TUSC2: variants seen among roughly 807,000 people sequenced by gnomAD.
TUSC2 encodes tumor suppressor 2, mitochondrial calcium regulator.
TUSC2 carries 7 observed loss-of-function variants against 11.5 expected under a neutral mutation model. That is an observed-to-expected ratio of 0.61 (90% CI 0.35 to 1.14). The LOEUF (loss-of-function observed/expected upper bound fraction) is 1.14. Ranked by LOEUF, TUSC2 falls within the 50% of genes most tolerant of loss-of-function variation. The pLI is 0.03. For missense variants in TUSC2, 132 were observed against 155.0 expected, an observed-to-expected ratio of 0.85 and a Z score of 0.79; for synonymous variants, 61 against 64.1, an observed-to-expected ratio of 0.95 and a Z score of 0.23.
At position 50,328,214 on chromosome 3, in the gene TUSC2, A is replaced by T; in HGVS notation, c.-115T>A. The T allele has an allele frequency of 8.2e-7, 1 of 1,223,594 alleles. No individual in the cohort carries two copies. The highest frequency in any genetic ancestry group is 1.0e-6 in the Non-Finnish European group (1 of 953,256). The allele number at this position is 1,223,594 out of a possible 1,614,324, so 75.8% of individuals were successfully genotyped here. On this transcript the variant is annotated 5_prime_UTR_variant, in exon 1 of 3. Transcript: ENST00000232496. ...AGGTGCCGCCGCCGCCGCCTTCCGC[A>T]GGCTCGGCTGTCTCCACGGAAACCT...
At position 50,326,480 on chromosome 3, in the gene TUSC2, G is replaced by C; in HGVS notation, c.147-3C>G. On this transcript the variant is annotated splice_polypyrimidine_tract_variant and splice_region_variant and intron_variant, in intron 1 of 2. Coordinates refer to ENST00000232496, the MANE Select transcript of TUSC2 (RefSeq NM_007275.3). The stretch of plus-strand genomic sequence containing the variant: ...CATCCTCATCATAGAACATAGAGCT[G>C]TGTAGAGGGAGAAGGAAACAGGCTG... 1 of 1,613,664 alleles carries C rather than the reference G, an allele frequency of 6.2e-7. No individual in the cohort carries two copies. Among genetic ancestry groups the C allele is most frequent in the Non-Finnish European group, 8.5e-7 (1 of 1,179,758 alleles).
At position 50,327,976 on chromosome 3, in the gene TUSC2, G is replaced by T. The variant is rs1384620071; in HGVS notation, c.124C>A (p.Pro42Thr). 1 of 1,542,762 alleles carries T rather than the reference G, an allele frequency of 6.5e-7. No individual in the cohort carries two copies. Residue 42 changes from proline to threonine, a missense_variant, in exon 1 of 3, where the codon CCC becomes ACC. This residue lies in a region of TUSC2 where 50 missense variants were observed against 27.9 expected (regional missense o/e 1.79). Transcript: ENST00000232496. ...TACCCGCGGCGCGTGAATACGAAGG[G>T]GGGCACAGCTCGGCCCCGAGGCCGC... ...LVRPRGRAVPPFVFTRRGSMF... is the reference protein window; with the variant it reads ...LVRPRGRAVPTFVFTRRGSMF...
At chr3:50,326,219 C>T (rs781992609) in intron 2 of TUSC2, 33 bp from the exon 3 acceptor site, 1 of 1,606,668 alleles carries the variant, frequency 6.2e-7, no homozygotes, top group Non-Finnish European at 8.5e-7. Flanking sequence ...TAAGGGTCAG[C>T]TCAGGGCCTC....
chr3:50,327,196 G>A (rs1702801616), intron 1 of TUSC2: 2 of 456,748 alleles, frequency 4.4e-6, no homozygotes, highest in Non-Finnish European at 8.8e-6. Flanking sequence ...CTGGCCCAGT[G>A]TCAAAGACTG....
chr3:50,327,362 C>T (rs377648232), intron 1 of TUSC2: 5 of 401,150 alleles, frequency 1.2e-5, no homozygotes, highest in East Asian at 7.2e-5. Context: ...CTCCAGGAGC[C>T]CACTAGAGCC....
chr3:50,327,673 C>T (rs1202587929), intron 1 of TUSC2, among the ~76,000 whole-genome samples: 1 of 144,882 alleles, frequency 6.9e-6, no homozygotes, highest in Non-Finnish European at 1.5e-5. Context: ...AGGAAGAGAT[C>T]TTATGGAGGT....
chr3:50,326,422 T>A lies in TUSC2; in HGVS notation c.202A>T (p.Ile68Phe). Reference sequence around the variant, plus strand: ...CGCTTCTGCCCGTTCTTGGTGACGATTGTCTCCTCATAGAACTCGTGAGCC... The same window carrying A: ...CGCTTCTGCCCGTTCTTGGTGACGAATGTCTCCTCATAGAACTCGTGAGCC... ...DLAHEFYEET[I>F]VTKNGQKRAK... Residue 68 changes from isoleucine to phenylalanine, a missense_variant, in exon 2 of 3, where the codon ATC becomes TTC. By Grantham distance (21) the Ile-to-Phe change is conservative (BLOSUM62 0). Coordinates refer to ENST00000232496, the MANE Select transcript of TUSC2 (RefSeq NM_007275.3). 1 of 1,613,986 alleles carries A rather than the reference T, an allele frequency of 6.2e-7. No homozygotes were observed. The highest frequency in any genetic ancestry group is 8.5e-7 in the Non-Finnish European group (1 of 1,180,002).
At chr3:50,327,885 T>C (rs969438259) in intron 1 of TUSC2, 69 bp downstream of exon 1, 385 of 1,383,570 alleles carry the variant, frequency 2.8e-4, no homozygotes, top group Non-Finnish European at 3.5e-4. Context: ...GCGGTGGAAG[T>C]TCCCCCGTGG....
chr3:50,325,972 C>G lies in TUSC2; in HGVS notation c.*149G>C. The G allele has an allele frequency of 4.1e-6, 4 of 984,822 alleles. No homozygotes were observed. Among genetic ancestry groups the G allele is most frequent in the Non-Finnish European group, 6.1e-6 (4 of 659,456 alleles). The allele number at this position is 984,822 out of a possible 1,614,324, so 61.0% of individuals were successfully genotyped here. A position where few individuals can be genotyped will look rare whatever the true frequency, so the allele number is the denominator to read the frequency against. ...CAACACCCAACCAATACTGTGGGAC[C>G]GACCCGCTCACAGCTGAAGGTTATG... On this transcript the variant is annotated 3_prime_UTR_variant, in exon 3 of 3. Coordinates refer to ENST00000232496, the MANE Select transcript of TUSC2 (RefSeq NM_007275.3). The surrounding 1 kb of genome is among the most constrained non-coding windows in gnomAD (Gnocchi z 5.1).
In TUSC2 at chr3:50,328,113, G is replaced by A. The variant is rs111271009; in HGVS notation, c.-14C>T. The A allele has an allele frequency of 7.3e-7, 1 of 1,367,472 alleles. No individual in the cohort carries two copies. Among genetic ancestry groups the A allele is most frequent in the Non-Finnish European group, 9.4e-7 (1 of 1,060,958 alleles). 84.7% of individuals were successfully genotyped at this position (1,367,472 alleles called of 1,614,324 possible). A position where few individuals can be genotyped will look rare whatever the true frequency, so the allele number is the denominator to read the frequency against. On this transcript the variant is annotated 5_prime_UTR_variant, in exon 1 of 3. Coordinates refer to ENST00000232496, the MANE Select transcript of TUSC2 (RefSeq NM_007275.3). ...GCTGGCGCCCATGTCAGGGCCGCCGGCGCATGGCGGGCCCCGTGGCCGCTC... is the reference window on the plus strand; with the variant it reads ...GCTGGCGCCCATGTCAGGGCCGCCGACGCATGGCGGGCCCCGTGGCCGCTC...
chr3:50,328,188 C>A lies in TUSC2; in HGVS notation c.-89G>T. The stretch of plus-strand genomic sequence containing the variant: ...CATAACCTGCCCCAGCCGCTGATCG[C>A]AGGTGCCGCCGCCGCCGCCTTCCGC... On this transcript the variant is annotated 5_prime_UTR_variant, in exon 1 of 3. Transcript: ENST00000232496. 2 of 1,281,778 alleles carry A rather than the reference C, an allele frequency of 1.6e-6. No homozygotes were observed. The highest frequency in any genetic ancestry group is 2.0e-6 in the Non-Finnish European group (2 of 1,008,868). 79.4% of individuals were successfully genotyped at this position (1,281,778 alleles called of 1,614,324 possible). A position where few individuals can be genotyped will look rare whatever the true frequency, so the allele number is the denominator to read the frequency against.
In TUSC2 at chr3:50,325,734, G is replaced by A. The variant is rs1553717269; in HGVS notation, c.*387C>T. On this transcript the variant is annotated 3_prime_UTR_variant, in exon 3 of 3. Coordinates refer to ENST00000232496, the MANE Select transcript of TUSC2 (RefSeq NM_007275.3). This position sits in a 1 kb window ranked among gnomAD's most constrained non-coding sequence, Gnocchi z 5.1. ...CCCACAGCCTAGGGGCTGGAAGAAA[G>A]CATACCTTGCTTGTAAAGTGCTGTA... The A allele has an allele frequency of 3.8e-6, 1 of 260,884 alleles. No individual in the cohort carries two copies. Among genetic ancestry groups the A allele is most frequent in the Non-Finnish European group, 7.5e-6 (1 of 132,500 alleles). 16.2% of individuals were successfully genotyped at this position (260,884 alleles called of 1,614,324 possible).
Position 50,326,064 on chromosome 3 carries a change from T to C in TUSC2, c.*57A>G. 6.5e-7 allele frequency: 1 copy of C among 1,549,092 alleles called. No individual in the cohort carries two copies. Among genetic ancestry groups the C allele is most frequent in the African/African-American group, 1.4e-5 (1 of 73,260 alleles). On this transcript the variant is annotated 3_prime_UTR_variant, in exon 3 of 3. Transcript: ENST00000232496. ...TCCTCAATGGAAGCCACACCTTGATTGAGCCTGGGAGTTTCTTGCCGGGGC... is the reference window on the plus strand; with the variant it reads ...TCCTCAATGGAAGCCACACCTTGATCGAGCCTGGGAGTTTCTTGCCGGGGC...
intron 1 of TUSC2, chr3:50,327,093 C>A (rs1702800987): frequency 2.2e-6 from 1 of 452,536 alleles, no homozygotes; most frequent in Non-Finnish European, 4.5e-6. Context: ...GCAAGGGCAG[C>A]CATTCTAATA....
intron 2 of TUSC2, 30 bp from the exon 3 acceptor site, chr3:50,326,216 C>T: frequency 6.2e-7 from 1 of 1,606,218 alleles, no homozygotes; most frequent in Non-Finnish European, 8.5e-7. Flanking sequence ...TAGTAAGGGT[C>T]AGCTCAGGGC....
intron 1 of TUSC2, chr3:50,327,022 CCACACCAGAG>C: frequency 2.7e-6 from 1 of 376,024 alleles, no homozygotes; most frequent in Non-Finnish European, 5.3e-6. Context: ...AGAAGAGAGC[CCACACCAGAG>C]CACACCATCC....
In TUSC2 at chr3:50,328,161, A is replaced by C. The variant is rs1178651361; in HGVS notation, c.-62T>G. ...CTCTGCTCACACCGCAGTCCGCACT[A>C]CCATAACCTGCCCCAGCCGCTGATC... is the stretch of plus-strand genomic sequence containing the variant. On this transcript the variant is annotated 5_prime_UTR_variant, in exon 1 of 3. Transcript: ENST00000232496. 7.7e-7 allele frequency: 1 copy of C among 1,304,834 alleles called. No individual in the cohort carries two copies. Among genetic ancestry groups the C allele is most frequent in the African/African-American group, 1.5e-5 (1 of 64,718 alleles). 80.8% of individuals were successfully genotyped at this position (1,304,834 alleles called of 1,614,324 possible).
In TUSC2 at chr3:50,328,171, G is replaced by A; in HGVS notation, c.-72C>T. 3.9e-6 allele frequency: 5 copies of A among 1,288,816 alleles called. No individual in the cohort carries two copies. Among genetic ancestry groups the A allele is most frequent in the South Asian group, 2.2e-5 (1 of 44,568 alleles). 79.8% of individuals were successfully genotyped at this position (1,288,816 alleles called of 1,614,324 possible). On this transcript the variant is annotated 5_prime_UTR_variant, in exon 1 of 3. Coordinates refer to ENST00000232496, the MANE Select transcript of TUSC2 (RefSeq NM_007275.3). ...ACCGCAGTCCGCACTACCATAACCTGCCCCAGCCGCTGATCGCAGGTGCCG... is the reference window on the plus strand; with the variant it reads ...ACCGCAGTCCGCACTACCATAACCTACCCCAGCCGCTGATCGCAGGTGCCG...
Position 50,326,091 on chromosome 3 carries a change from G to T in TUSC2, c.*30C>A. 2 of 1,563,540 alleles carry T rather than the reference G, an allele frequency of 1.3e-6. No individual in the cohort carries two copies. Among genetic ancestry groups the T allele is most frequent in the East Asian group, 2.4e-5 (1 of 42,324 alleles). On this transcript the variant is annotated 3_prime_UTR_variant, in exon 3 of 3. Transcript: ENST00000232496. Reference sequence around the variant, plus strand: ...AGCCTGGGAGTTTCTTGCCGGGGCAGGGGGTGCTTCTGTCTGCCACCTCCC... The same window carrying T: ...AGCCTGGGAGTTTCTTGCCGGGGCATGGGGTGCTTCTGTCTGCCACCTCCC...
Sources: allele counts gnomAD v4.1 joint callset (sites outside exome capture counted in the v4.1 genomes callset), GRCh38; gene constraint gnomAD v4.1.1; regional missense constraint gnomAD v4.1.1; non-coding constraint Gnocchi (gnomAD v3.1); transcripts MANE v1.5; gene names NCBI Gene and HGNC (gene_info 2026-07-23, HGNC 2026-07-21).